The following CLEC16A variants were observed in gnomAD, a reference collection of about 807,000 sequenced individuals.
CLEC16A encodes protein CLEC16A.
CLEC16A carries 51 observed loss-of-function variants against 109.5 expected under a neutral mutation model. The ratio of observed to expected loss-of-function variants is 0.47; its 90% confidence interval spans 0.37 to 0.59. CLEC16A has a LOEUF of 0.59. Among genes scored for constraint, CLEC16A ranks in the 20% least tolerant of loss-of-function variants. CLEC16A has a pLI of 0.00. For synonymous variants in CLEC16A, 673 were observed against 564.2 expected (o/e 1.19, Z -2.73); for missense variants, 1,339 against 1,394.0 (o/e 0.96, Z 0.63).
intron 10 of CLEC16A, among the ~76,000 whole-genome samples, chr16:10,999,258 A>G (rs1045295146): frequency 1.6e-4 from 25 of 152,132 alleles, no homozygotes; most frequent in Middle Eastern, 3.2e-3. Context: ...TAAAGTTAAT[A>G]TATGTTCATG....
At chr16:11,100,207 G>A (rs2050834621) in intron 19 of CLEC16A, among the ~76,000 whole-genome samples, 1 of 152,180 alleles carries the variant, frequency 6.6e-6, no homozygotes, top group Non-Finnish European at 1.5e-5. Flanking sequence ...TAACAGGGAG[G>A]TAAGACTGCG....
intron 1 of CLEC16A, 102 bp from the exon 2 acceptor site, chr16:10,957,680 A>G: frequency 3.3e-6 from 4 of 1,219,440 alleles, no homozygotes; most frequent in Non-Finnish European, 4.8e-6. Flanking sequence ...CAAACCTGAA[A>G]AAGCATTGCT....
At chr16:11,114,073 C>T (rs897183851) in intron 19 of CLEC16A, among the ~76,000 whole-genome samples, 1 of 151,258 alleles carries the variant, frequency 6.6e-6, no homozygotes, top group Non-Finnish European at 1.5e-5. Context: ...TCTTGCCAAT[C>T]CTATGGGCAG....
intron 18 of CLEC16A, among the ~76,000 whole-genome samples, 169 bp downstream of exon 18, chr16:11,051,810 T>G (rs1459203222): frequency 6.6e-6 from 1 of 152,208 alleles, no homozygotes; most frequent in Non-Finnish European, 1.5e-5. Flanking sequence ...CCAAGGCATG[T>G]TTTTACCCTT....
intron 19 of CLEC16A, among the ~76,000 whole-genome samples, chr16:11,086,844 G>A (rs2050038336): frequency 6.6e-6 from 1 of 152,138 alleles, no homozygotes. Flanking sequence ...CATCTTTTAA[G>A]TCAGCGCTAC....
Position 11,180,732 on chromosome 16 carries a change from A to G in CLEC16A, c.*2042A>G, listed in dbSNP as rs2068930111. The G allele has an allele frequency of 6.6e-6, 1 of 152,304 alleles. No homozygotes were observed. Among genetic ancestry groups the G allele is most frequent in the East Asian group, 1.9e-4 (1 of 5,194 alleles). 9.4% of individuals were successfully genotyped at this position (152,304 alleles called of 1,614,324 possible). A position where few individuals can be genotyped will look rare whatever the true frequency, so the allele number is the denominator to read the frequency against. ...GGCTGCCCCACCCCAAGGCGTGACC[A>G]GGAGGAACAGCCTGCAGCTCACTCC... On this transcript the variant is annotated 3_prime_UTR_variant, in exon 24 of 24. Coordinates refer to ENST00000409790, the MANE Select transcript of CLEC16A (RefSeq NM_015226.3).
At chr16:11,006,854 C>G (rs746660860) in intron 11 of CLEC16A, among the ~76,000 whole-genome samples, 12 of 151,420 alleles carry the variant, frequency 7.9e-5, no homozygotes, top group Non-Finnish European at 1.5e-4. Flanking sequence ...GGAATTTGCT[C>G]TGCCTCAGGT....
At chr16:11,153,542 T>G (rs985540218) in intron 22 of CLEC16A, among the ~76,000 whole-genome samples, 19 of 151,376 alleles carry the variant, frequency 1.3e-4, no homozygotes, top group African/African-American at 3.2e-4. Flanking sequence ...ACAGTTGTGT[T>G]TAAGAAACGT....
intron 4 of CLEC16A, among the ~76,000 whole-genome samples, chr16:10,969,522 AT>A (rs2042677183): frequency 6.6e-6 from 1 of 152,182 alleles, no homozygotes; most frequent in Non-Finnish European, 1.5e-5. Context: ...AAAAAATGTA[AT>A]TCTTTGTAGA....
intron 10 of CLEC16A, among the ~76,000 whole-genome samples, chr16:10,996,679 G>A (rs59419574): frequency 0.17 from 26,329 of 151,900 alleles, 2,438 homozygotes; most frequent in South Asian, 0.3. Flanking sequence ...CTCTTCCAGC[G>A]TCTGCATGGG....
rs1266799370 is a variant in CLEC16A, at chr16:11,181,912, CTG to C, written c.*3223_*3224del. 6.6e-6 allele frequency: 1 copy of C among 152,652 alleles called. No homozygotes were observed. Among genetic ancestry groups the C allele is most frequent in the Admixed American group, 6.5e-5 (1 of 15,286 alleles). 9.5% of individuals were successfully genotyped at this position (152,652 alleles called of 1,614,324 possible). Reference sequence around the variant, plus strand: ...TCTTGTCTAGATGCAATAAATAAATCTGAAGCATTTAATGTAGTCATCTTGAC... The same window carrying C: ...TCTTGTCTAGATGCAATAAATAAATCAAGCATTTAATGTAGTCATCTTGAC... On this transcript the variant is annotated 3_prime_UTR_variant, in exon 24 of 24. Coordinates refer to ENST00000409790, the MANE Select transcript of CLEC16A (RefSeq NM_015226.3).
chr16:11,051,929 A>G (rs1268693947), intron 18 of CLEC16A, among the ~76,000 whole-genome samples: 2 of 152,214 alleles, frequency 1.3e-5, no homozygotes, highest in African/African-American at 4.8e-5. Context: ...AGTGTAAGGC[A>G]ATGGGGCCAG....
chr16:11,062,131 C>A (rs1158338405), intron 19 of CLEC16A, among the ~76,000 whole-genome samples: 1 of 126,308 alleles, frequency 7.9e-6, no homozygotes, highest in Non-Finnish European at 1.6e-5. Context: ...GCATGCCCAG[C>A]CTTGGAGCTG....
chr16:10,981,715 G>A (rs893614460), intron 9 of CLEC16A, among the ~76,000 whole-genome samples: 9 of 152,146 alleles, frequency 5.9e-5, no homozygotes, highest in African/African-American at 1.4e-4. Flanking sequence ...TGTAAAAACC[G>A]GGTTTCTGTT....
At chr16:11,007,446 G>A (rs968408735) in intron 11 of CLEC16A, among the ~76,000 whole-genome samples, 2 of 152,164 alleles carry the variant, frequency 1.3e-5, no homozygotes, top group African/African-American at 4.8e-5. Context: ...ACTGACTATC[G>A]GAGAGTTGAG....
chr16:11,133,980 G>T (rs768972215), intron 22 of CLEC16A, among the ~76,000 whole-genome samples: 1 of 152,158 alleles, frequency 6.6e-6, no homozygotes, highest in African/African-American at 2.4e-5. Context: ...TTATTGAGCT[G>T]CTAAGCACTT....
rs2047938515 is a variant in CLEC16A, at chr16:11,051,494, C to T, written c.1867-19C>T. On this transcript the variant is annotated intron_variant, in intron 17 of 23. Coordinates refer to ENST00000409790, the MANE Select transcript of CLEC16A (RefSeq NM_015226.3). ...AAGTAAGGAATCTGCTTTGAGGTTT[C>T]CTGTAATGTCTCTTCTAGATGAAGC... is the stretch of plus-strand genomic sequence containing the variant. 28 of 1,606,890 alleles carry T rather than the reference C, an allele frequency of 1.7e-5. No homozygotes were observed. The highest frequency in any genetic ancestry group is 2.4e-5 in the Non-Finnish European group (28 of 1,173,982).
chr16:11,064,149 G>A (rs1051074244), intron 19 of CLEC16A, among the ~76,000 whole-genome samples: 8 of 151,936 alleles, frequency 5.3e-5, no homozygotes, highest in African/African-American at 9.7e-5. Context: ...TTTAAAATAC[G>A]CCACCCACCC....
intron 19 of CLEC16A, among the ~76,000 whole-genome samples, chr16:11,115,230 C>T (rs1174284651): frequency 6.6e-6 from 1 of 151,690 alleles, no homozygotes; most frequent in Non-Finnish European, 1.5e-5. Flanking sequence ...GTCAAGTTGT[C>T]CTGTGTAGAG....
Sources: allele counts gnomAD v4.1 joint callset (sites outside exome capture counted in the v4.1 genomes callset), GRCh38; gene constraint gnomAD v4.1.1; transcripts MANE v1.5; gene names NCBI Gene and HGNC (gene_info 2026-07-23, HGNC 2026-07-21).